MMS19: variants seen among roughly 807,000 people sequenced by gnomAD.
MMS19 encodes MMS19 cytosolic iron-sulfur assembly component.
Under a neutral mutation model 129.8 loss-of-function variants are expected in MMS19, and 77 were observed. The ratio of observed to expected loss-of-function variants is 0.59; its 90% confidence interval spans 0.49 to 0.72. The LOEUF is 0.72. Ranked by LOEUF, MMS19 falls within the 30% of genes least tolerant of loss-of-function variation. The pLI is 0.00. For missense variants in MMS19, 1,168 were observed against 1,266.3 expected (o/e 0.92, Z 1.18); for synonymous variants, 491 against 502.8 (o/e 0.98, Z 0.31).
chr10:97,470,004 C>T, intron 10 of MMS19, 125 bp downstream of exon 10: 1 of 740,660 alleles, frequency 1.4e-6, no homozygotes, highest in Non-Finnish European at 2.3e-6. Flanking sequence ...ACACAAAGGC[C>T]CAAATCCTGG....
In MMS19 at chr10:97,476,908, C is replaced by G; in HGVS notation, c.549G>C (p.Gly183=). The G allele has an allele frequency of 6.2e-7, 1 of 1,613,934 alleles. No individual in the cohort carries two copies. Among genetic ancestry groups the G allele is most frequent in the Non-Finnish European group, 8.5e-7 (1 of 1,179,862 alleles). ...CCAGAAGATTACGGGGATCCTTTTC[C>G]CCATCCATCACCTGGATGAAGCCAA... ...FTFGFIQVMD[G]EKDPRNLLVA... The change falls in exon 7 of 31, where the codon GGG becomes GGC. Residue 183 remains glycine, a synonymous_variant. Transcript: ENST00000438925.
At chr10:97,494,778 T>C (rs529385498) in intron 1 of MMS19, among the ~76,000 whole-genome samples, 3 of 152,348 alleles carry the variant, frequency 2.0e-5, no homozygotes, top group Admixed American at 6.5e-5. Flanking sequence ...GTTCAAAACC[T>C]TGGGGTCTTC....
At chr10:97,483,081 G>T (rs962070288) in intron 2 of MMS19, among the ~76,000 whole-genome samples, 1 of 150,990 alleles carries the variant, frequency 6.6e-6, no homozygotes, top group Non-Finnish European at 1.5e-5. Context: ...TTTGATGGGG[G>T]TCTCACTCTG....
chr10:97,467,606 A>G, intron 13 of MMS19, 23 bp from the exon 14 acceptor site: 1 of 1,607,622 alleles, frequency 6.2e-7, no homozygotes, highest in Non-Finnish European at 8.5e-7. Context: ...AAGGGGTACT[A>G]GAGTCAAAGA....
At position 97,498,279 on chromosome 10, in the gene MMS19, C is replaced by A; in HGVS notation, c.106G>T (p.Ala36Ser). Reference protein sequence around the residue: ...GQQEGPADQVAADVKSGNYTV... With the variant: ...GQQEGPADQVSADVKSGNYTV... ...GCGGCGCCGTCTGCCGTACCTGCAG[C>A]CACCTGGTCAGCGGGGCCCTCTTGC... Residue 36 changes from alanine to serine, a missense_variant, in exon 1 of 31, where the codon GCT (alanine) becomes TCT (serine). Coordinates refer to ENST00000438925, the MANE Select transcript of MMS19 (RefSeq NM_022362.5). The A allele has an allele frequency of 6.4e-7, 1 of 1,564,686 alleles. No homozygotes were observed.
In MMS19 at chr10:97,458,582, T is replaced by C. The variant is rs543812586; in HGVS notation, c.*110A>G. ...AGAGGCCTAGCATTTGTGCTGTGTC[T>C]GTGGGAAAGGCAGTCAGAGACCAGT... On this transcript the variant is annotated 3_prime_UTR_variant, in exon 31 of 31. Coordinates refer to ENST00000438925, the MANE Select transcript of MMS19 (RefSeq NM_022362.5). 1 of 1,075,472 alleles carries C rather than the reference T, an allele frequency of 9.3e-7. No homozygotes were observed. Among genetic ancestry groups the C allele is most frequent in the South Asian group, 1.6e-5 (1 of 64,514 alleles). 66.6% of individuals were successfully genotyped at this position (1,075,472 alleles called of 1,614,324 possible). A position where few individuals can be genotyped will look rare whatever the true frequency, so the allele number is the denominator to read the frequency against.
rs1436750644 is a variant in MMS19, at chr10:97,470,294, G to A, written c.772-91C>T. The A allele has an allele frequency of 1.6e-5, 14 of 866,430 alleles. No individual in the cohort carries two copies. In the Middle Eastern group the frequency reaches 2.7e-3, roughly 164 times the overall value. 53.7% of individuals were successfully genotyped at this position (866,430 alleles called of 1,614,324 possible). A position where few individuals can be genotyped will look rare whatever the true frequency, so the allele number is the denominator to read the frequency against. On this transcript the variant is annotated intron_variant, in intron 9 of 30. Transcript: ENST00000438925. ...CTGTCCTTGCCATCAGTCCCTAAAA[G>A]CAGGTACTACATCAAGGAGCTGTAC... is the stretch of plus-strand genomic sequence containing the variant.
intron 18 of MMS19, among the ~76,000 whole-genome samples, chr10:97,464,766 C>T (rs1350534364): frequency 2.0e-5 from 3 of 151,446 alleles, no homozygotes; most frequent in Admixed American, 6.6e-5. Context: ...GGAGCGATCT[C>T]GGCTTGCTCC....
upstream of MMS19, chr10:97,498,542 C>T: frequency 9.9e-7 from 1 of 1,013,286 alleles, no homozygotes; most frequent in Non-Finnish European, 1.4e-6. Context: ...CAGGGAGGGG[C>T]GGGGCCTGAA....
intron 9 of MMS19, 85 bp from the exon 10 acceptor site, chr10:97,470,288 C>CTGCTTT: frequency 1.1e-6 from 1 of 925,018 alleles, no homozygotes; most frequent in Non-Finnish European, 1.7e-6. Flanking sequence ...CCATCAGTCC[C>CTGCTTT]TAAAAGCAGG....
intron 2 of MMS19, among the ~76,000 whole-genome samples, chr10:97,482,557 G>C (rs1299048220): frequency 6.6e-6 from 1 of 152,032 alleles, no homozygotes; most frequent in East Asian, 1.9e-4. Context: ...ACTGCTAATG[G>C]GCATGGGTTT....
At chr10:97,486,697 T>C (rs1420315211) in intron 1 of MMS19, among the ~76,000 whole-genome samples, 2 of 151,770 alleles carry the variant, frequency 1.3e-5, no homozygotes, top group African/African-American at 4.8e-5. Context: ...AAACAAGCAC[T>C]AATGAAGATC....
rs191066247 is a variant in MMS19 at position 97,460,142 on chromosome 10, G to A, written c.2560C>T (p.Arg854Cys). The A allele has an allele frequency of 2.3e-5, 37 of 1,613,906 alleles. No individual in the cohort carries two copies. In the South Asian group the frequency reaches 3.0e-4, roughly 13 times the overall value. Residue 854 changes from arginine (R) to cysteine (C), a missense_variant, in exon 26 of 31, where the codon CGT becomes TGT. Coordinates refer to ENST00000438925, the MANE Select transcript of MMS19 (RefSeq NM_022362.5). ...ATCCGCACTTCGGCATGGCCAGCACGAGTCAGCACATCAGTGCAGTCAGAC... is the reference window on the plus strand; with the variant it reads ...ATCCGCACTTCGGCATGGCCAGCACAAGTCAGCACATCAGTGCAGTCAGAC... ...LMSDCTDVLT[R>C]AGHAEVRIMF... is the part of the protein sequence containing the mutation.
chr10:97,465,118 T>C (rs2033147690), intron 18 of MMS19, among the ~76,000 whole-genome samples: 1 of 152,102 alleles, frequency 6.6e-6, no homozygotes, highest in Non-Finnish European at 1.5e-5. Flanking sequence ...CAAACGATTA[T>C]CCTGCCTCAG....
chr10:97,462,262 A>G (rs894909442), intron 20 of MMS19, 143 bp from the exon 21 acceptor site: 4 of 648,256 alleles, frequency 6.2e-6, no homozygotes, highest in African/African-American at 5.5e-5. Flanking sequence ...CATTGAACAA[A>G]TATTAATTTG....
intron 1 of MMS19, among the ~76,000 whole-genome samples, chr10:97,486,892 T>TATATAA (rs1564695284): frequency 7.6e-6 from 1 of 132,196 alleles, no homozygotes; most frequent in African/African-American, 2.7e-5. Context: ...TATATATATA[T>TATATAA]ATAAAATTAA....
chr10:97,464,122 A>G (rs1392122078), intron 18 of MMS19, 109 bp from the exon 19 acceptor site: 2 of 997,526 alleles, frequency 2.0e-6, no homozygotes, highest in African/African-American at 3.2e-5. Flanking sequence ...AGGGACCAAG[A>G]GTGCCTTATT....
chr10:97,476,588 A>G, intron 8 of MMS19, 95 bp downstream of exon 8: 1 of 1,080,526 alleles, frequency 9.3e-7, no homozygotes. Context: ...GGGGATGTCT[A>G]TTTTGGTGAC....
chr10:97,495,381 C>A (rs2039605593), intron 1 of MMS19, among the ~76,000 whole-genome samples: 1 of 152,232 alleles, frequency 6.6e-6, no homozygotes, highest in Non-Finnish European at 1.5e-5. Flanking sequence ...ACAAAGGTGG[C>A]AGCAGCTGCT....
Sources: allele counts gnomAD v4.1 joint callset (sites outside exome capture counted in the v4.1 genomes callset), GRCh38; gene constraint gnomAD v4.1.1; transcripts MANE v1.5; gene names NCBI Gene and HGNC (gene_info 2026-07-23, HGNC 2026-07-21).